The following PPP1R9A variants were observed in gnomAD, a reference collection of about 807,000 sequenced individuals.
PPP1R9A encodes protein phosphatase 1 regulatory subunit 9A, also known as neurabin-1.
In PPP1R9A, 59 loss-of-function variants were observed where a neutral mutation model predicts 141.9. The observed-to-expected ratio is 0.42, with a 90% CI of 0.34 to 0.52. The LOEUF is 0.52. Ranked by LOEUF, PPP1R9A falls within the 20% of genes least tolerant of loss-of-function variation. The pLI, the probability that PPP1R9A is intolerant of heterozygous loss-of-function variation, is 0.10. For missense variants in PPP1R9A, 1,444 were observed against 1,611.9 expected, an observed-to-expected ratio of 0.90 and a Z score of 1.78; for synonymous variants, 500 against 569.7, an observed-to-expected ratio of 0.88 and a Z score of 1.74.
At chr7:94,953,926 C>G (rs1796771156) in intron 2 of PPP1R9A, among the ~76,000 whole-genome samples, 1 of 152,116 alleles carries the variant, frequency 6.6e-6, no homozygotes, top group Admixed American at 6.6e-5. Flanking sequence ...TTGACTTCCT[C>G]TCTTCCTATT....
chr7:95,061,864 T>A lies in PPP1R9A; in HGVS notation c.1396-49395T>A, dbSNP rs574794725. On this transcript the variant is annotated intron_variant, in intron 2 of 19. Coordinates refer to ENST00000433360, the MANE Select transcript of PPP1R9A (RefSeq NM_001166160.2). ...CAGCAATATTCCTGAAAATGGCTTG[T>A]GAATTAATGGTTTTTAAAATAAAAG... 5.3e-5 allele frequency among the ~76,000 whole-genome samples: 8 copies of A among 152,342 alleles called. No individual in the cohort carries two copies. The South Asian group carries it at 1.7e-3, about 32-fold the overall frequency.
intron 2 of PPP1R9A, among the ~76,000 whole-genome samples, chr7:94,989,188 C>G (rs968142010): frequency 2.0e-5 from 3 of 151,846 alleles, no homozygotes; most frequent in African/African-American, 7.3e-5. Flanking sequence ...AAAAAAAACC[C>G]CACTGACTTA....
intron 3 of PPP1R9A, among the ~76,000 whole-genome samples, chr7:95,115,514 A>C (rs984497475): frequency 2.6e-5 from 4 of 152,324 alleles, no homozygotes; most frequent in South Asian, 2.1e-4. Flanking sequence ...ATACCATATA[A>C]GTTTATACCC....
intron 2 of PPP1R9A, among the ~76,000 whole-genome samples, chr7:95,076,092 C>G (rs900114003): frequency 6.6e-6 from 1 of 152,018 alleles, no homozygotes; most frequent in African/African-American, 2.4e-5. Flanking sequence ...TCATACAGAT[C>G]GGGTCTCACT....
At chr7:94,917,095 C>T (rs923438712) in intron 2 of PPP1R9A, among the ~76,000 whole-genome samples, 3 of 152,112 alleles carry the variant, frequency 2.0e-5, no homozygotes, top group Non-Finnish European at 4.4e-5. Flanking sequence ...AGATTATAGG[C>T]GTGAACCACT....
At chr7:94,983,571 T>A (rs550010591) in intron 2 of PPP1R9A, among the ~76,000 whole-genome samples, 57 of 152,264 alleles carry the variant, frequency 3.7e-4, no homozygotes, top group Middle Eastern at 6.8e-3. Context: ...TATTCCTGGG[T>A]ATTTTATTCT....
chr7:95,280,641 C>CT (rs1804032094), intron 16 of PPP1R9A, among the ~76,000 whole-genome samples: 2 of 152,236 alleles, frequency 1.3e-5, no homozygotes, highest in East Asian at 1.9e-4. Flanking sequence ...TTATGATTCT[C>CT]TTTTTTCCAA....
chr7:95,248,000 A>C (rs1010752929), intron 9 of PPP1R9A, among the ~76,000 whole-genome samples: 1 of 151,572 alleles, frequency 6.6e-6, no homozygotes, highest in African/African-American at 2.4e-5. Context: ...TTTAAGTGCC[A>C]GGTACTACTG....
intron 5 of PPP1R9A, among the ~76,000 whole-genome samples, chr7:95,179,168 A>G (rs1833342893): frequency 6.6e-6 from 1 of 152,216 alleles, no homozygotes; most frequent in African/African-American, 2.4e-5. Flanking sequence ...CAAAAAGCCA[A>G]TCCACCATGA....
intron 2 of PPP1R9A, among the ~76,000 whole-genome samples, chr7:94,982,015 C>T (rs993159519): frequency 6.6e-5 from 10 of 150,680 alleles, no homozygotes; most frequent in South Asian, 2.1e-4. Flanking sequence ...TGATGTTCCC[C>T]GCCCTGTGCC....
intron 2 of PPP1R9A, among the ~76,000 whole-genome samples, chr7:94,960,867 A>G (rs1408330834): frequency 1.3e-5 from 2 of 151,672 alleles, no homozygotes; most frequent in South Asian, 2.1e-4. Flanking sequence ...TCTTGTGGCT[A>G]TGTTTCTTTT....
intron 2 of PPP1R9A, among the ~76,000 whole-genome samples, chr7:95,058,049 T>G (rs1167234369): frequency 1.3e-5 from 2 of 152,270 alleles, no homozygotes; most frequent in South Asian, 4.1e-4. Flanking sequence ...TTCTGAAGTT[T>G]GTAACTGGAG....
intron 2 of PPP1R9A, among the ~76,000 whole-genome samples, chr7:94,961,690 T>C (rs535568901): frequency 6.6e-6 from 1 of 151,992 alleles, no homozygotes; most frequent in East Asian, 1.9e-4. Context: ...GATACAAATG[T>C]CCTTTTAGGC....
chr7:94,955,283 G>C lies in PPP1R9A; in HGVS notation c.1395+43775G>C, dbSNP rs557250680. On this transcript the variant is annotated intron_variant, in intron 2 of 19. Coordinates refer to ENST00000433360, the MANE Select transcript of PPP1R9A (RefSeq NM_001166160.2). ...TGTTGTTCAAAAGAAAACATAAATA[G>C]TAAGATAAACTTAGTATAAAATTTT... Among the ~76,000 whole-genome samples the C allele has an allele frequency of 3.3e-5, 5 of 152,122 alleles. No individual in the cohort carries two copies. In the South Asian group the frequency reaches 8.3e-4, roughly 25 times the overall value.
intron 2 of PPP1R9A, among the ~76,000 whole-genome samples, chr7:94,955,864 G>T (rs1797020291): frequency 6.6e-6 from 1 of 152,096 alleles, no homozygotes; most frequent in African/African-American, 2.4e-5. Context: ...TAGGTCTTCT[G>T]TGCCCCTGTT....
intron 5 of PPP1R9A, among the ~76,000 whole-genome samples, chr7:95,179,297 G>T (rs1036395992): frequency 6.6e-6 from 1 of 152,098 alleles, no homozygotes; most frequent in Non-Finnish European, 1.5e-5. Flanking sequence ...AATAGATGCA[G>T]AAAAAGCATT....
chr7:95,193,363 A>G (rs1440936745), intron 5 of PPP1R9A, among the ~76,000 whole-genome samples: 3 of 152,070 alleles, frequency 2.0e-5, no homozygotes, highest in Non-Finnish European at 4.4e-5. Context: ...AATCATTTCT[A>G]TTTCATAAGA....
intron 5 of PPP1R9A, among the ~76,000 whole-genome samples, chr7:95,177,185 C>T (rs1476713874): frequency 3.3e-5 from 5 of 152,136 alleles, no homozygotes; most frequent in Non-Finnish European, 4.4e-5. Context: ...AGAAACCCTA[C>T]AAGCTAGAAG....
At chr7:94,919,101 G>A (rs1216962599) in intron 2 of PPP1R9A, among the ~76,000 whole-genome samples, 1 of 152,128 alleles carries the variant, frequency 6.6e-6, no homozygotes, top group Non-Finnish European at 1.5e-5. Flanking sequence ...TGCTACACAT[G>A]AAGCATGAGT....
Sources: allele counts gnomAD v4.1 joint callset (sites outside exome capture counted in the v4.1 genomes callset), GRCh38; gene constraint gnomAD v4.1.1; transcripts MANE v1.5; gene names NCBI Gene and HGNC (gene_info 2026-07-23, HGNC 2026-07-21).